CRB1: variants seen among roughly 807,000 people sequenced by gnomAD.
The protein encoded by CRB1 is crumbs cell polarity complex component 1, also known as protein crumbs homolog 1.
Under a neutral mutation model 120.0 loss-of-function variants are expected in CRB1, and 83 were observed. The ratio of observed to expected loss-of-function variants is 0.69; its 90% confidence interval spans 0.58 to 0.83. CRB1 has a LOEUF of 0.83. CRB1 is among the 40% of genes least tolerant of loss of function. The pLI, the probability that CRB1 is intolerant of heterozygous loss-of-function variation, is 0.00. For synonymous variants in CRB1, 625 were observed against 612.5 expected, an observed-to-expected ratio of 1.02 and a Z score of -0.30; for missense variants, 1,699 against 1,687.6, an observed-to-expected ratio of 1.01 and a Z score of -0.12.
At chr1:197,398,885 G>A (rs1372358994) in intron 5 of CRB1, among the ~76,000 whole-genome samples, 2 of 129,502 alleles carry the variant, frequency 1.5e-5, no homozygotes, top group Admixed American at 8.3e-5. Context: ...CTGGGGTCAG[G>A]AAATGATTGT....
At chr1:197,274,873 G>A (rs969903563) in intron 1 of CRB1, among the ~76,000 whole-genome samples, 2 of 151,994 alleles carry the variant, frequency 1.3e-5, no homozygotes, top group Non-Finnish European at 2.9e-5. Context: ...GGGGCTATTA[G>A]TTCCTAGGGC....
intron 1 of CRB1, among the ~76,000 whole-genome samples, chr1:197,294,116 G>A (rs984942955): frequency 1.3e-5 from 2 of 152,118 alleles, no homozygotes; most frequent in African/African-American, 4.8e-5. Flanking sequence ...TACCATCAGG[G>A]TGAAAAGGCA....
intron 5 of CRB1, among the ~76,000 whole-genome samples, chr1:197,415,551 C>T (rs898885714): frequency 5.9e-5 from 9 of 152,060 alleles, no homozygotes; most frequent in African/African-American, 2.2e-4. Flanking sequence ...TAAGCTTTCC[C>T]ATCGATGAGT....
At chr1:197,428,491 C>A (rs1224052935) in intron 7 of CRB1, among the ~76,000 whole-genome samples, 12 of 152,196 alleles carry the variant, frequency 7.9e-5, no homozygotes, top group Non-Finnish European at 1.5e-4. Flanking sequence ...AAAGCCCAAG[C>A]TTTACTTTAA....
At chr1:197,459,832 A>G (rs1046026203) in intron 11 of CRB1, among the ~76,000 whole-genome samples, 5 of 152,084 alleles carry the variant, frequency 3.3e-5, no homozygotes, top group African/African-American at 1.2e-4. Flanking sequence ...TTTAAAATAT[A>G]TAATGTTATG....
chr1:197,263,787 A>C (rs1437852106), upstream of CRB1, among the ~76,000 whole-genome samples: 1 of 152,060 alleles, frequency 6.6e-6, no homozygotes, highest in Non-Finnish European at 1.5e-5. Flanking sequence ...TATTCTAAAA[A>C]AAACTTCAGA....
chr1:197,423,409 C>G (rs1320961108), intron 6 of CRB1, among the ~76,000 whole-genome samples: 2 of 152,132 alleles, frequency 1.3e-5, no homozygotes, highest in Non-Finnish European at 2.9e-5. Flanking sequence ...GCTTAACCCT[C>G]AAGAAAATAT....
At chr1:197,264,834 A>G (rs1654596672), upstream of CRB1, among the ~76,000 whole-genome samples, 1 of 151,652 alleles carries the variant, frequency 6.6e-6, no homozygotes, top group African/African-American at 2.4e-5. Flanking sequence ...CATGTTGGCC[A>G]GGATGGTCTC....
intron 11 of CRB1, among the ~76,000 whole-genome samples, chr1:197,475,812 A>G (rs1346100541): frequency 6.6e-6 from 1 of 151,710 alleles, no homozygotes; most frequent in African/African-American, 2.4e-5. Flanking sequence ...AACTCTTTTC[A>G]CCCTTTCCCA....
intron 5 of CRB1, among the ~76,000 whole-genome samples, chr1:197,415,108 T>A (rs935965106): frequency 6.6e-6 from 1 of 152,176 alleles, no homozygotes; most frequent in African/African-American, 2.4e-5. Flanking sequence ...ATGCATAAAT[T>A]TTAGCAATCA....
intron 1 of CRB1, among the ~76,000 whole-genome samples, chr1:197,279,862 C>T (rs1655425054): frequency 1.3e-5 from 2 of 148,418 alleles, no homozygotes; most frequent in South Asian, 2.1e-4. Context: ...TTAGAGGAGT[C>T]TATGATTCAT....
chr1:197,411,978 C>T (rs1330085229), intron 5 of CRB1, among the ~76,000 whole-genome samples: 1 of 152,146 alleles, frequency 6.6e-6, no homozygotes, highest in Non-Finnish European at 1.5e-5. Context: ...CTTTTTCAGC[C>T]TCCCCCTAGC....
intron 1 of CRB1, among the ~76,000 whole-genome samples, chr1:197,273,952 G>C (rs1253607077): frequency 6.6e-6 from 1 of 151,892 alleles, no homozygotes; most frequent in African/African-American, 2.4e-5. Context: ...TTGCTGCTGG[G>C]GTGTCAGGTC....
chr1:197,257,250 C>G, the CRB1 span, among the ~76,000 whole-genome samples: 1 of 152,078 alleles, frequency 6.6e-6, no homozygotes, highest in Non-Finnish European at 1.5e-5. Context: ...CTTCTTCCAC[C>G]TTTTTGTTCT....
chr1:197,330,999 T>C (rs942132273), intron 2 of CRB1, among the ~76,000 whole-genome samples: 8 of 152,038 alleles, frequency 5.3e-5, no homozygotes, highest in Middle Eastern at 6.8e-3. Context: ...TCGAGACTAC[T>C]GTGAAATCCC....
intron 1 of CRB1, among the ~76,000 whole-genome samples, chr1:197,308,032 T>C (rs921025531): frequency 2.6e-5 from 4 of 152,088 alleles, no homozygotes; most frequent in Non-Finnish European, 4.4e-5. Context: ...ATACATGGAA[T>C]CAATCCAAGT....
the CRB1 span, among the ~76,000 whole-genome samples, chr1:197,209,958 T>C: frequency 6.6e-6 from 1 of 152,208 alleles, no homozygotes; most frequent in Admixed American, 6.5e-5. Context: ...GCTATCTGCT[T>C]CTTTCAAAGG....
chr1:197,327,523 A>G (rs75297276), intron 1 of CRB1, among the ~76,000 whole-genome samples: 2 of 152,222 alleles, frequency 1.3e-5, no homozygotes, highest in Non-Finnish European at 2.9e-5. Flanking sequence ...TAGAAAATAC[A>G]TACACACAGA....
intron 1 of CRB1, among the ~76,000 whole-genome samples, chr1:197,284,254 A>G (rs1204276394): frequency 6.6e-6 from 1 of 151,918 alleles, no homozygotes; most frequent in Non-Finnish European, 1.5e-5. Context: ...AGCATGCACA[A>G]TGACAACACA....
Sources: gnomAD v4.1 joint callset for allele counts (sites outside exome capture counted in the v4.1 genomes callset) on GRCh38, gnomAD v4.1.1 for gene constraint, MANE v1.5 for transcripts, NCBI Gene and HGNC (gene_info 2026-07-23, HGNC 2026-07-21) for gene names.